The following MILR1 variants were observed in gnomAD, a reference collection of about 807,000 sequenced individuals.
MILR1 encodes the protein mast cell immunoglobulin like receptor 1, also known as allergin-1.
In MILR1, 31 loss-of-function variants were observed where a neutral mutation model predicts 18.5. The observed-to-expected ratio is 1.68, with a 90% CI of 1.26 to 2.26. MILR1 has a LOEUF of 2.26. Among genes scored for constraint, MILR1 ranks in the 30% most tolerant of loss-of-function variants. MILR1 has a pLI of 0.00. For missense variants in MILR1, 257 were observed against 157.4 expected (o/e 1.63, Z -3.38); for synonymous variants, 85 against 56.2 (o/e 1.51, Z -2.30).
Position 64,468,635 on chromosome 17 carries a change from G to A in MILR1, c.*354G>A, listed in dbSNP as rs148403352. The A allele has an allele frequency of 3.3e-4, 377 of 1,128,184 alleles. 4 individuals carry two copies. The East Asian group carries it at 0.021, about 62-fold the overall frequency. 69.9% of individuals were successfully genotyped at this position (1,128,184 alleles called of 1,614,324 possible). Reference sequence around the variant, plus strand: ...AGGGTCTCCAAGAATAAATTCATCCGAACATGCATCCTTCTCTGAGCCTTC... The same window carrying A: ...AGGGTCTCCAAGAATAAATTCATCCAAACATGCATCCTTCTCTGAGCCTTC... On this transcript the variant is annotated 3_prime_UTR_variant, in exon 10 of 10. Transcript: ENST00000619286.
At chr17:64,493,492 C>CT in the MILR1 span, among the ~76,000 whole-genome samples, 67 of 148,162 alleles carry the variant, frequency 4.5e-4, no homozygotes, top group East Asian at 2.6e-3. Context: ...TGAAGATTTT[C>CT]TTTTTTTTTT....
the MILR1 span, among the ~76,000 whole-genome samples, chr17:64,481,759 C>T: frequency 6.6e-6 from 1 of 151,994 alleles, no homozygotes; most frequent in Non-Finnish European, 1.5e-5. Flanking sequence ...CCTGTAATCC[C>T]ATCTACTAGG....
chr17:64,456,614 C>G (rs1415995206), intron 3 of MILR1, among the ~76,000 whole-genome samples: 1 of 152,178 alleles, frequency 6.6e-6, no homozygotes, highest in Non-Finnish European at 1.5e-5. Flanking sequence ...AGTTTGAGAC[C>G]AGCCCGGGCA....
At chr17:64,481,188 G>A in the MILR1 span, 1 of 711,814 alleles carries the variant, frequency 1.4e-6, no homozygotes, top group Non-Finnish European at 1.7e-6. Flanking sequence ...AATGGTGACT[G>A]AGCTACAGCA....
the MILR1 span, among the ~76,000 whole-genome samples, chr17:64,493,247 C>A: frequency 6.6e-6 from 1 of 152,020 alleles, no homozygotes; most frequent in African/African-American, 2.4e-5. Context: ...AGCAAAACCC[C>A]ATCTCTAAAA....
chr17:64,451,464 A>G (rs1202593968), intron 2 of MILR1, among the ~76,000 whole-genome samples: 1 of 151,998 alleles, frequency 6.6e-6, no homozygotes, highest in African/African-American at 2.4e-5. Context: ...CTTTGTACCA[A>G]TCTGATGAGT....
chr17:64,466,681 TA>T lies in MILR1; in HGVS notation c.979+21del. ...GAGCAAGGTGAGCCACAGGTTGGGA[TA>T]AGAGGTACTGGTGAAATGAGACAGG... is the stretch of plus-strand genomic sequence containing the variant. On this transcript the variant is annotated intron_variant, in intron 8 of 9. Coordinates refer to ENST00000619286, the MANE Select transcript of MILR1 (RefSeq NM_001085423.2). The T allele has an allele frequency of 6.3e-7, 1 of 1,588,884 alleles. No individual in the cohort carries two copies. Among genetic ancestry groups the T allele is most frequent in the Non-Finnish European group, 8.6e-7 (1 of 1,166,048 alleles).
chr17:64,496,815 C>T, the MILR1 span: 1 of 1,613,832 alleles, frequency 6.2e-7, no homozygotes, highest in Non-Finnish European at 8.5e-7. Flanking sequence ...TCGCCGTTCC[C>T]CTCGAGCTCC....
the MILR1 span, chr17:64,496,569 T>G: frequency 1.2e-6 from 2 of 1,613,510 alleles, no homozygotes. Flanking sequence ...GGGCCTGGTT[T>G]GTGGTGGAGG....
At chr17:64,466,102 C>T (rs1555663125) in intron 6 of MILR1, among the ~76,000 whole-genome samples, 3 of 152,052 alleles carry the variant, frequency 2.0e-5, no homozygotes, top group African/African-American at 2.4e-5. Context: ...CTTCCCAAGG[C>T]GGTAGGAGAG....
the MILR1 span, chr17:64,490,887 A>G: frequency 6.2e-7 from 1 of 1,613,782 alleles, no homozygotes; most frequent in South Asian, 1.1e-5. Context: ...TCCCCAGGGA[A>G]AATTGTAGTA....
chr17:64,464,248 T>C (rs1466601467), intron 5 of MILR1, among the ~76,000 whole-genome samples: 2 of 150,446 alleles, frequency 1.3e-5, no homozygotes, highest in East Asian at 2.0e-4. Flanking sequence ...ACCTGAGTAG[T>C]TGGGACCACA....
chr17:64,450,139 A>G (rs1165321384), intron 2 of MILR1, among the ~76,000 whole-genome samples: 15 of 150,790 alleles, frequency 9.9e-5, no homozygotes, highest in Non-Finnish European at 1.0e-4. Flanking sequence ...GGGGTTTCAC[A>G]TCGTTAGCCA....
At chr17:64,475,808 CT>C in the MILR1 span, among the ~76,000 whole-genome samples, 2,219 of 102,592 alleles carry the variant, frequency 0.022, 41 homozygotes, top group African/African-American at 0.1. Context: ...CTACCACTTC[CT>C]TTTTTTTTTT....
At position 64,452,878 on chromosome 17, in the gene MILR1, G is replaced by C. The variant is rs911034993; in HGVS notation, c.367+12G>C. ...CTTCACGATTGTCGGTAAGTAGAGT[G>C]CCTGTTCCTTGGAGCCCCTATAATT... On this transcript the variant is annotated intron_variant, in intron 3 of 9. Coordinates refer to ENST00000619286, the MANE Select transcript of MILR1 (RefSeq NM_001085423.2). 10 of 474,582 alleles carry C rather than the reference G, an allele frequency of 2.1e-5. No individual in the cohort carries two copies. Among genetic ancestry groups the C allele is most frequent in the African/African-American group, 2.0e-4 (10 of 50,484 alleles). The allele number at this position is 474,582 out of a possible 1,614,324, so 29.4% of individuals were successfully genotyped here.
rs782649263 is a variant in MILR1, at chr17:64,466,475, CGT to C, written c.892_893del (p.Val298PhefsTer6). On this transcript the variant is annotated frameshift_variant, in exon 7 of 10. Transcript: ENST00000619286. LOFTEE classifies it high-confidence loss of function. ...TCTGTGCCAGAAGTGGGATCCAGGCCGTGTGTTTCCACAGCCCAAGATGGTGA... is the reference window on the plus strand; with the variant it reads ...TCTGTGCCAGAAGTGGGATCCAGGCCGTGTTTCCACAGCCCAAGATGGTGA... 1 of 1,613,740 alleles carries C rather than the reference CGT, an allele frequency of 6.2e-7. No homozygotes were observed. Among genetic ancestry groups the C allele is most frequent in the African/African-American group, 1.3e-5 (1 of 75,042 alleles).
the MILR1 span, chr17:64,491,052 T>G: frequency 9.3e-7 from 1 of 1,077,960 alleles, no homozygotes; most frequent in East Asian, 2.4e-5. Flanking sequence ...AGAATTTAAA[T>G]TGTCCGATAC....
At chr17:64,480,642 A>G in the MILR1 span, among the ~76,000 whole-genome samples, 4 of 152,242 alleles carry the variant, frequency 2.6e-5, no homozygotes, top group African/African-American at 9.6e-5. Context: ...TGTATATCAA[A>G]TAAGAATTTT....
At chr17:64,471,872 A>G (rs1217699309), downstream of MILR1, among the ~76,000 whole-genome samples, 3 of 152,232 alleles carry the variant, frequency 2.0e-5, no homozygotes, top group African/African-American at 7.2e-5. Flanking sequence ...GGAACTTAGT[A>G]TAGGATAAAT....
Sources: allele counts gnomAD v4.1 joint callset (sites outside exome capture counted in the v4.1 genomes callset), GRCh38; gene constraint gnomAD v4.1.1; transcripts MANE v1.5; gene names NCBI Gene and HGNC (gene_info 2026-07-23, HGNC 2026-07-21).